Variants in MEN1 observed in about 807,000 individuals in gnomAD.
The protein encoded by MEN1 is menin.
MEN1 carries 6 observed loss-of-function variants against 58.0 expected under a neutral mutation model. The ratio of observed to expected loss-of-function variants is 0.10; its 90% CI spans 0.06 to 0.20. MEN1 has a LOEUF of 0.20. Ranked by LOEUF, MEN1 falls within the 10% of genes least tolerant of loss-of-function variation. The pLI, the probability that MEN1 is intolerant of heterozygous loss-of-function variation, is 1.00. For synonymous variants in MEN1, 346 were observed against 350.7 expected, an observed-to-expected ratio of 0.99 and a Z score of 0.15; for missense variants, 492 against 818.5, an observed-to-expected ratio of 0.60 and a Z score of 4.87.
intron 8 of MEN1, 51 bp from the exon 9 acceptor site, chr11:64,805,249 G>C (rs762534312): frequency 5.0e-6 from 8 of 1,598,226 alleles, no homozygotes; most frequent in Non-Finnish European, 5.1e-6. Flanking sequence ...TCACCCCTTA[G>C]CAGAGGGCAC....
intron 8 of MEN1, 88 bp downstream of exon 8, chr11:64,805,547 A>C: frequency 1.3e-6 from 2 of 1,533,242 alleles, no homozygotes; most frequent in South Asian, 2.3e-5. Context: ...TGCCATCCCT[A>C]ATCCCGTACA....
rs1941810909 is a variant in MEN1 at position 64,807,478 on chromosome 11, G to A, written c.783+74C>T. 1 of 1,517,274 alleles carries A rather than the reference G, an allele frequency of 6.6e-7. No individual in the cohort carries two copies. Among genetic ancestry groups the A allele is most frequent in the Non-Finnish European group, 9.1e-7 (1 of 1,097,612 alleles). The allele number at this position is 1,517,274 out of a possible 1,614,324, so 94.0% of individuals were successfully genotyped here. On this transcript the variant is annotated intron_variant, in intron 4 of 9. Transcript: ENST00000450708. This position sits in a 1 kb window ranked among gnomAD's most constrained non-coding sequence, Gnocchi z 4.9. ...GGAAGCTGAAGCTCAGGAAGGGAAA[G>A]TGCCCCTGCCCAGGGTCCCACAGCA...
intron 7 of MEN1, 101 bp downstream of exon 7, chr11:64,806,131 A>G: frequency 6.7e-7 from 1 of 1,495,572 alleles, no homozygotes; most frequent in East Asian, 2.3e-5. Context: ...TGGAAAGGGG[A>G]TGGGGCGTGG....
intron 2 of MEN1, among the ~76,000 whole-genome samples, chr11:64,808,771 T>C (rs866559650): frequency 6.6e-6 from 1 of 150,988 alleles, no homozygotes; most frequent in African/African-American, 2.4e-5. Flanking sequence ...TGGTGAAACC[T>C]CGTCTCTACT....
intron 8 of MEN1, 33 bp from the exon 9 acceptor site, chr11:64,805,231 T>C: frequency 6.2e-7 from 1 of 1,609,450 alleles, no homozygotes; most frequent in Non-Finnish European, 8.5e-7. Flanking sequence ...CACAGATCAG[T>C]CTCTTACTCA....
rs1941836519 is a variant in MEN1, at chr11:64,807,739, G to GA, written c.655-60dup. 5 of 1,613,448 alleles carry GA rather than the reference G, an allele frequency of 3.1e-6. No individual in the cohort carries two copies. The highest frequency in any genetic ancestry group is 3.4e-6 in the Non-Finnish European group (4 of 1,179,858). Reference sequence around the variant, plus strand: ...TGGCCCACCCTGTGCCTGCTTCAGGGAATGACAGCCAGGAAAAGGGGCTCT... The same window carrying GA: ...TGGCCCACCCTGTGCCTGCTTCAGGGAAATGACAGCCAGGAAAAGGGGCTCT... On this transcript the variant is annotated intron_variant, in intron 3 of 9. Coordinates refer to ENST00000450708, the MANE Select transcript of MEN1 (RefSeq NM_001370259.2). The surrounding 1 kb of genome is among the most constrained non-coding windows in gnomAD (Gnocchi z 4.9).
Position 64,807,790 on chromosome 11 carries a change from G to A in MEN1, c.654+101C>T. ...TCTGTCTTCCCTTCCTATGTGGGTG[G>A]TGATGGGAAGAAAGGGGTGTGGCCC... On this transcript the variant is annotated intron_variant, in intron 3 of 9. Transcript: ENST00000450708. The surrounding 1 kb of genome is among the most constrained non-coding windows in gnomAD (Gnocchi z 4.9). 1 of 1,605,160 alleles carries A rather than the reference G, an allele frequency of 6.2e-7. No individual in the cohort carries two copies.
At position 64,804,650 on chromosome 11, in the gene MEN1, G is replaced by A. The variant is rs1347992299; in HGVS notation, c.1517C>T (p.Thr506Ile). Residue 506 changes from threonine (T) to isoleucine (I), a missense_variant, in exon 10 of 10, where the codon ACC becomes ATC. Physicochemically the swap from Thr to Ile is moderately conservative, Grantham distance 89. Around this residue, in one of 5 missense-constraint regions of MEN1, gnomAD observed 79 missense variants for 82.5 expected, o/e 0.96. Transcript: ENST00000450708. This position sits in a 1 kb window ranked among gnomAD's most constrained non-coding sequence, Gnocchi z 4.2. ...GGGTCCTGACACTGCACCCTGGCCGGTGCCCAGGCCCTTGTCCAGTGCTGG... is the reference window on the plus strand; with the variant it reads ...GGGTCCTGACACTGCACCCTGGCCGATGCCCAGGCCCTTGTCCAGTGCTGG... ...KKPALDKGLG[T>I]GQGAVSGPPR... 3 of 1,600,598 alleles carry A rather than the reference G, an allele frequency of 1.9e-6. No individual in the cohort carries two copies. The highest frequency in any genetic ancestry group is 2.6e-6 in the Non-Finnish European group (3 of 1,176,110).
chr11:64,807,163 A>G lies in MEN1; in HGVS notation c.824+16T>C. On this transcript the variant is annotated intron_variant, in intron 5 of 9. Transcript: ENST00000450708. The surrounding 1 kb of genome is among the most constrained non-coding windows in gnomAD (Gnocchi z 4.9). ...CGGCCTCACCAGGCGCAGCCTGGCC[A>G]CTTCCCTCTACTGACCTTTCCAGAT... 6.2e-7 allele frequency: 1 copy of G among 1,613,978 alleles called. No homozygotes were observed. The highest frequency in any genetic ancestry group is 8.5e-7 in the Non-Finnish European group (1 of 1,179,934).
upstream of MEN1, chr11:64,811,154 T>TGGCTCGATCTGGGCTCACTGCAGC: frequency 6.6e-6 from 1 of 151,732 alleles, no homozygotes; most frequent in Non-Finnish European, 1.5e-5. Context: ...TGGAATGCAG[T>TGGCTCGATCTGGGCTCACTGCAGC]GGCTCGATCT....
chr11:64,804,832 G>C lies in MEN1; in HGVS notation c.1351-16C>G, dbSNP rs766052368. On this transcript the variant is annotated splice_polypyrimidine_tract_variant and intron_variant, in intron 9 of 9. Coordinates refer to ENST00000450708, the MANE Select transcript of MEN1 (RefSeq NM_001370259.2). This position sits in a 1 kb window ranked among gnomAD's most constrained non-coding sequence, Gnocchi z 4.2. The stretch of plus-strand genomic sequence containing the variant: ...TCTGCCGCACCTGGGCCAGTGGGGA[G>C]AGCAAGGTGAGAGCAAGGTTGCCGG... 4.4e-6 allele frequency: 7 copies of C among 1,596,560 alleles called. No individual in the cohort carries two copies. The highest frequency in any genetic ancestry group is 5.9e-6 in the Non-Finnish European group (7 of 1,178,898).
At chr11:64,809,263 C>CAAA (rs11404218) in intron 2 of MEN1, among the ~76,000 whole-genome samples, 49 of 115,998 alleles carry the variant, frequency 4.2e-4, no homozygotes, top group African/African-American at 4.2e-4. Context: ...GACCCTGTCT[C>CAAA]AAAAAAAAAA....
Position 64,807,806 on chromosome 11 carries a change from G to A in MEN1, c.654+85C>T, listed in dbSNP as rs1941840048. The A allele has an allele frequency of 6.2e-7, 1 of 1,604,420 alleles. No homozygotes were observed. The highest frequency in any genetic ancestry group is 1.3e-5 in the African/African-American group (1 of 74,718). On this transcript the variant is annotated intron_variant, in intron 3 of 9. Transcript: ENST00000450708. The surrounding 1 kb of genome is among the most constrained non-coding windows in gnomAD (Gnocchi z 4.9). The stretch of plus-strand genomic sequence containing the variant: ...ATGTGGGTGGTGATGGGAAGAAAGG[G>A]GTGTGGCCCAAGAAAATGGAGTCCC...
Position 64,807,816 on chromosome 11 carries a change from A to G in MEN1, c.654+75T>C, listed in dbSNP as rs368196106. On this transcript the variant is annotated intron_variant, in intron 3 of 9. Coordinates refer to ENST00000450708, the MANE Select transcript of MEN1 (RefSeq NM_001370259.2). The surrounding 1 kb of genome is among the most constrained non-coding windows in gnomAD (Gnocchi z 4.9). ...TGATGGGAAGAAAGGGGTGTGGCCC[A>G]AGAAAATGGAGTCCCTTGGGTGGCT... The G allele has an allele frequency of 1.2e-6, 2 of 1,607,702 alleles. No individual in the cohort carries two copies. Among genetic ancestry groups the G allele is most frequent in the Non-Finnish European group, 8.5e-7 (1 of 1,174,996 alleles).
rs1459638826 is a variant in MEN1, at chr11:64,807,823, T to C, written c.654+68A>G. 7.5e-6 allele frequency: 12 copies of C among 1,606,616 alleles called. No homozygotes were observed. Among genetic ancestry groups the C allele is most frequent in the Non-Finnish European group, 9.4e-6 (11 of 1,174,036 alleles). ...AAGAAAGGGGTGTGGCCCAAGAAAATGGAGTCCCTTGGGTGGCTTGGGCTA... is the reference window on the plus strand; with the variant it reads ...AAGAAAGGGGTGTGGCCCAAGAAAACGGAGTCCCTTGGGTGGCTTGGGCTA... On this transcript the variant is annotated intron_variant, in intron 3 of 9. Transcript: ENST00000450708. This position sits in a 1 kb window ranked among gnomAD's most constrained non-coding sequence, Gnocchi z 4.9.
Position 64,808,458 on chromosome 11 carries a change from C to T in MEN1, c.446-359G>A, listed in dbSNP as rs140072658. Among the ~76,000 whole-genome samples the T allele has an allele frequency of 1.8e-3, 277 of 152,348 alleles. 1 individual carries two copies. The highest frequency in any genetic ancestry group is 6.4e-3 in the African/African-American group (268 of 41,578). On this transcript the variant is annotated intron_variant, in intron 2 of 9. Coordinates refer to ENST00000450708, the MANE Select transcript of MEN1 (RefSeq NM_001370259.2). ...GGCAAAAACAGGACGCTGGCCAACA[C>T]TCTCTGGCTATACACCCACCAACAA...
intron 1 of MEN1, 157 bp downstream of exon 1, chr11:64,810,357 G>A: frequency 1.8e-6 from 1 of 564,760 alleles, no homozygotes; most frequent in Non-Finnish European, 3.2e-6. Flanking sequence ...GGTACCCGAT[G>A]GGGTGCGCCC....
chr11:64,810,181 G>A, intron 1 of MEN1, 49 bp from the exon 2 acceptor site: 1 of 1,218,800 alleles, frequency 8.2e-7, no homozygotes, highest in South Asian at 1.4e-5. Flanking sequence ...CGGCCGGGGA[G>A]CCTCCTCCCA....
chr11:64,807,749 C>T lies in MEN1; in HGVS notation c.655-69G>A. The T allele has an allele frequency of 6.2e-7, 1 of 1,612,958 alleles. No homozygotes were observed. Among genetic ancestry groups the T allele is most frequent in the Non-Finnish European group, 8.5e-7 (1 of 1,179,448 alleles). ...TGTGCCTGCTTCAGGGAATGACAGC[C>T]AGGAAAAGGGGCTCTTCTGTCTTCC... is the stretch of plus-strand genomic sequence containing the variant. On this transcript the variant is annotated intron_variant, in intron 3 of 9. Transcript: ENST00000450708. The surrounding 1 kb of genome is among the most constrained non-coding windows in gnomAD (Gnocchi z 4.9).
Sources: gnomAD v4.1 joint callset for allele counts (sites outside exome capture counted in the v4.1 genomes callset) on GRCh38, gnomAD v4.1.1 for gene constraint, gnomAD v4.1.1 regional missense constraint, Gnocchi (gnomAD v3.1) non-coding constraint, MANE v1.5 for transcripts, NCBI Gene and HGNC (gene_info 2026-07-23, HGNC 2026-07-21) for gene names.